The following CBR3 variants were observed in gnomAD, a reference collection of about 807,000 sequenced individuals.
The protein encoded by CBR3 is carbonyl reductase 3, also known as carbonyl reductase [NADPH] 3.
A neutral mutation model predicts 11.6 loss-of-function variants in CBR3; 14 were observed. The observed-to-expected ratio is 1.20, with a 90% CI of 0.79 to 1.88. The LOEUF (loss-of-function observed/expected upper bound fraction) is 1.88, where lower values mean the gene tolerates loss of function less well. Ranked by LOEUF, CBR3 falls within the 40% of genes most tolerant of loss-of-function variation. The probability of loss-of-function intolerance (pLI) is 0.00; values close to 1 mark genes in which losing one functional copy is unlikely to be tolerated. For synonymous variants in CBR3, 125 were observed against 145.6 expected, an observed-to-expected ratio of 0.86 and a Z score of 1.02; for missense variants, 308 against 357.3, an observed-to-expected ratio of 0.86 and a Z score of 1.11.
At chr21:36,142,014 C>G in intron 2 of CBR3, 2 of 554,074 alleles carry the variant, frequency 3.6e-6, no homozygotes, top group Non-Finnish European at 4.6e-6. Context: ...ATTGATGTGA[C>G]TCTCCTCATG....
At chr21:36,135,693 C>G (rs969511126) in intron 1 of CBR3, 5 of 528,692 alleles carry the variant, frequency 9.5e-6, no homozygotes, top group Non-Finnish European at 3.2e-6. Context: ...GCGCGCCCCG[C>G]CCGCCGGCCT....
At chr21:36,142,378 G>A (rs1225429996) in intron 2 of CBR3, among the ~76,000 whole-genome samples, 4 of 123,680 alleles carry the variant, frequency 3.2e-5, no homozygotes, top group African/African-American at 3.1e-5. Context: ...CTTGCAGTGA[G>A]CCGAGATCAC....
intron 2 of CBR3, among the ~76,000 whole-genome samples, chr21:36,144,435 G>A (rs2065738896): frequency 6.6e-6 from 1 of 151,902 alleles, no homozygotes; most frequent in Non-Finnish European, 1.5e-5. Context: ...TGCAGCCTAG[G>A]CAACAAAACA....
rs752742679 is a variant in CBR3, at chr21:36,137,908, T to A, written c.373T>A (p.Leu125Ile). 6.2e-7 allele frequency: 1 copy of A among 1,606,276 alleles called. No individual in the cohort carries two copies. Among genetic ancestry groups the A allele is most frequent in the Non-Finnish European group, 8.5e-7 (1 of 1,173,132 alleles). The change falls in exon 2 of 3, where the codon TTA becomes ATA. Residue 125 changes from leucine to isoleucine, a missense_variant. Leu to Ile is a conservative substitution (Grantham distance 5, BLOSUM62 2). Transcript: ENST00000290354. ...FFATRNMCNE[L>I]LPIMKPHGRV... The stretch of plus-strand genomic sequence containing the variant: ...TGCCACTAGAAACATGTGCAACGAG[T>A]TACTGCCGATAATGAAACCTCATGG...
intron 1 of CBR3, 108 bp downstream of exon 1, chr21:36,135,589 C>A: frequency 9.2e-7 from 1 of 1,086,852 alleles, no homozygotes; most frequent in South Asian, 1.7e-5. Context: ...AGGGTGGCGC[C>A]GACCCCTAGG....
intron 2 of CBR3, 105 bp from the exon 3 acceptor site, chr21:36,145,971 A>AAC: frequency 1.3e-6 from 1 of 798,048 alleles, no homozygotes; most frequent in Non-Finnish European, 1.9e-6. Context: ...AAAAAAAAAA[A>AAC]AAAAAAAAAA....
At chr21:36,139,401 T>TTG (rs1555883030) in intron 2 of CBR3, among the ~76,000 whole-genome samples, 1 of 116,788 alleles carries the variant, frequency 8.6e-6, no homozygotes, top group Admixed American at 8.2e-5. Context: ...TTTTTTTTTT[T>TTG]GACAGAGTTT....
At chr21:36,142,431 C>CGAAAAAAAAAAAAA (rs2065717742) in intron 2 of CBR3, among the ~76,000 whole-genome samples, 1 of 40,396 alleles carries the variant, frequency 2.5e-5, no homozygotes. Context: ...GACTCCATCT[C>CGAAAAAAAAAAAAA]AAAAAAAAAA....
chr21:36,140,877 G>A (rs1056836179), intron 2 of CBR3, among the ~76,000 whole-genome samples: 13 of 151,688 alleles, frequency 8.6e-5, no homozygotes, highest in Non-Finnish European at 1.6e-4. Flanking sequence ...GCATGGTGGT[G>A]GGCACCTGTA....
At chr21:36,141,007 C>CA (rs1217520274) in intron 2 of CBR3, among the ~76,000 whole-genome samples, 3,252 of 55,542 alleles carry the variant, frequency 0.059, 205 homozygotes, top group African/African-American at 0.16. Flanking sequence ...CACTCCATCT[C>CA]AAAAAAAAAA....
intron 2 of CBR3, among the ~76,000 whole-genome samples, chr21:36,139,088 G>A (rs571218093): frequency 6.6e-6 from 1 of 152,150 alleles, no homozygotes; most frequent in Admixed American, 6.5e-5. Flanking sequence ...ATACCTGCAG[G>A]TATTCAATAA....
intron 2 of CBR3, among the ~76,000 whole-genome samples, chr21:36,141,170 G>A (rs577311440): frequency 3.3e-5 from 5 of 151,724 alleles, no homozygotes; most frequent in African/African-American, 9.7e-5. Flanking sequence ...ACTGAGGTGG[G>A]AGGATCGCTT....
chr21:36,143,767 T>G (rs13049871), intron 2 of CBR3, among the ~76,000 whole-genome samples: 1 of 150,614 alleles, frequency 6.6e-6, no homozygotes, highest in Admixed American at 6.6e-5. Flanking sequence ...GTGGGCCCAG[T>G]TATTTGTGGG....
intron 2 of CBR3, among the ~76,000 whole-genome samples, chr21:36,138,137 T>TTTAGTTTA (rs1404820149): frequency 3.7e-4 from 38 of 103,696 alleles, no homozygotes; most frequent in African/African-American, 1.7e-3. Context: ...AGTTTAGTTT[T>TTTAGTTTA]GTTTTGTTTG....
intron 2 of CBR3, among the ~76,000 whole-genome samples, chr21:36,140,326 A>G (rs918595034): frequency 6.6e-6 from 1 of 151,980 alleles, no homozygotes; most frequent in Non-Finnish European, 1.5e-5. Context: ...TCTAAATGCA[A>G]ATCTGAGCCA....
At chr21:36,144,174 G>T (rs2065736481) in intron 2 of CBR3, among the ~76,000 whole-genome samples, 1 of 151,840 alleles carries the variant, frequency 6.6e-6, no homozygotes, top group African/African-American at 2.4e-5. Context: ...CTGCCAGCGG[G>T]CTGGGCACAC....
rs369480097 is a variant in CBR3 at position 36,135,498 on chromosome 21, G to A, written c.289+17G>A. The A allele has an allele frequency of 3.9e-4, 627 of 1,592,588 alleles. 5 individuals carry two copies. The highest frequency in any genetic ancestry group is 1.7e-4 in the Non-Finnish European group (196 of 1,167,848). On this transcript the variant is annotated intron_variant, in intron 1 of 2. Coordinates refer to ENST00000290354, the MANE Select transcript of CBR3 (RefSeq NM_001236.4). ...CCTTCAAGAGTAGGTGCAGGGCTTG[G>A]GTTGGGGCCCCCTGGAGCGCTCCGA... is the stretch of plus-strand genomic sequence containing the variant.
chr21:36,135,613 C>T, intron 1 of CBR3, 132 bp downstream of exon 1: 1 of 835,264 alleles, frequency 1.2e-6, no homozygotes, highest in Non-Finnish European at 1.8e-6. Context: ...GCGCTCAGCC[C>T]ACGCCTCCCG....
chr21:36,139,382 C>CTTTT (rs35931656), intron 2 of CBR3, among the ~76,000 whole-genome samples: 3 of 126,680 alleles, frequency 2.4e-5, no homozygotes, highest in Admixed American at 8.3e-5. Flanking sequence ...CTTGCTTTTT[C>CTTTT]TTTTTTTTTT....
Sources: allele counts gnomAD v4.1 joint callset (sites outside exome capture counted in the v4.1 genomes callset), GRCh38; gene constraint gnomAD v4.1.1; transcripts MANE v1.5; gene names NCBI Gene and HGNC (gene_info 2026-07-23, HGNC 2026-07-21).